Variants in COBL observed in about 807,000 individuals in gnomAD.
The protein encoded by COBL is protein cordon-bleu.
COBL carries 51 observed loss-of-function variants against 98.8 expected under a neutral mutation model. The observed-to-expected ratio is 0.52, with a 90% CI of 0.41 to 0.65. COBL has a LOEUF of 0.65. Ranked by LOEUF, COBL falls within the 30% of genes least tolerant of loss-of-function variation. The probability of loss-of-function intolerance (pLI) is 0.00; values close to 1 mark genes in which losing one functional copy is unlikely to be tolerated. For missense variants in COBL, 1,617 were observed against 1,617.5 expected, an observed-to-expected ratio of 1.00 and a Z score of 0.01; for synonymous variants, 634 against 651.7, an observed-to-expected ratio of 0.97 and a Z score of 0.41.
intron 6 of COBL, among the ~76,000 whole-genome samples, chr7:51,092,227 C>T (rs1463332632): frequency 2.0e-5 from 3 of 152,190 alleles, no homozygotes; most frequent in Admixed American, 2.0e-4. Context: ...ATCCCTGCCC[C>T]ACTGGTCCGT....
In COBL at chr7:51,205,205, A is replaced by G. The variant is rs552099853; in HGVS notation, c.246-11616T>C. ...GAACAACAAAAGATCTTGAATACTC[A>G]AAGATATCTTAAGAAAGAAGAACAA... is the stretch of plus-strand genomic sequence containing the variant. On this transcript the variant is annotated intron_variant, in intron 2 of 12. Transcript: ENST00000265136. Among the ~76,000 whole-genome samples, 14 of 152,350 alleles carry G rather than the reference A, an allele frequency of 9.2e-5. No homozygotes were observed. In the East Asian group the frequency reaches 2.3e-3, roughly 25 times the overall value.
At chr7:51,128,916 C>A (rs1798481674) in intron 6 of COBL, among the ~76,000 whole-genome samples, 1 of 152,232 alleles carries the variant, frequency 6.6e-6, no homozygotes, top group African/African-American at 2.4e-5. Context: ...ACTGTCCCTG[C>A]CCGACCTCGC....
intron 1 of COBL, among the ~76,000 whole-genome samples, chr7:51,226,323 T>C (rs184256397): frequency 6.6e-6 from 1 of 152,324 alleles, no homozygotes; most frequent in Non-Finnish European, 1.5e-5. Context: ...TCTCTCTCCA[T>C]GAGATTCTTC....
At chr7:51,100,638 C>A (rs374038280) in intron 6 of COBL, among the ~76,000 whole-genome samples, 2 of 152,332 alleles carry the variant, frequency 1.3e-5, no homozygotes, top group South Asian at 4.1e-4. Flanking sequence ...CAGTGGCTCA[C>A]GCCAGTAATC....
chr7:51,062,060 G>T (rs560349217), intron 7 of COBL, among the ~76,000 whole-genome samples: 1 of 152,076 alleles, frequency 6.6e-6, no homozygotes, highest in South Asian at 2.1e-4. Context: ...TTCCATTAGG[G>T]CTAAACAGTA....
At chr7:51,065,309 AACAGGAAC>A (rs771586436) in intron 7 of COBL, 1 of 703,496 alleles carries the variant, frequency 1.4e-6, no homozygotes, top group South Asian at 1.5e-5. Context: ...GAGGAAGAGA[AACAGGAAC>A]ACTTGATTTC....
chr7:51,126,937 C>T (rs1156658184), intron 6 of COBL, among the ~76,000 whole-genome samples: 2 of 152,160 alleles, frequency 1.3e-5, no homozygotes, highest in Non-Finnish European at 2.9e-5. Flanking sequence ...AGCTGTCTGA[C>T]ATTGAGGCCA....
intron 5 of COBL, among the ~76,000 whole-genome samples, chr7:51,167,374 G>C (rs1274462767): frequency 1.3e-5 from 2 of 151,794 alleles, no homozygotes; most frequent in Non-Finnish European, 2.9e-5. Flanking sequence ...TAAATACTTA[G>C]GAATTAACTA....
At chr7:51,130,073 T>G (rs1798593922) in intron 6 of COBL, among the ~76,000 whole-genome samples, 1 of 152,154 alleles carries the variant, frequency 6.6e-6, no homozygotes, top group Non-Finnish European at 1.5e-5. Context: ...CAGGCAGGAT[T>G]CCCTGACAGG....
At chr7:51,148,853 C>A (rs1283349105) in intron 5 of COBL, among the ~76,000 whole-genome samples, 1 of 136,838 alleles carries the variant, frequency 7.3e-6, no homozygotes, top group Non-Finnish European at 1.7e-5. Context: ...GACCACTGCT[C>A]CAGGCATCCC....
chr7:51,281,016 C>T (rs1282132818), intron 1 of COBL, among the ~76,000 whole-genome samples: 1 of 151,970 alleles, frequency 6.6e-6, no homozygotes, highest in Non-Finnish European at 1.5e-5. Context: ...TAGAGGTTTA[C>T]AAAATGACTA....
At chr7:51,260,291 A>T in intron 1 of COBL, 3 of 477,900 alleles carry the variant, frequency 6.3e-6, no homozygotes, top group Non-Finnish European at 1.1e-5. Flanking sequence ...GCTTTTGTCT[A>T]TCTCATTTAT....
chr7:51,168,024 C>T lies in COBL; in HGVS notation c.783+16078G>A, dbSNP rs142285213. Among the ~76,000 whole-genome samples the T allele has an allele frequency of 7.6e-4, 115 of 152,062 alleles. 2 individuals carry two copies. In the East Asian group the frequency reaches 0.021, roughly 28 times the overall value. ...TGGGCAAAAATTTCTTGAGCAGTAC[C>T]CCACAAGTATAGGCAACCAAAGCAA... is the stretch of plus-strand genomic sequence containing the variant. On this transcript the variant is annotated intron_variant, in intron 5 of 12. Coordinates refer to ENST00000265136, the MANE Select transcript of COBL (RefSeq NM_015198.5).
chr7:51,116,237 T>C (rs1190637046), intron 6 of COBL, among the ~76,000 whole-genome samples: 1 of 152,158 alleles, frequency 6.6e-6, no homozygotes, highest in African/African-American at 2.4e-5. Flanking sequence ...TTTCCTGTTG[T>C]TGCTCCTGTT....
intron 12 of COBL, among the ~76,000 whole-genome samples, chr7:51,024,694 TAA>T (rs1048584922): frequency 7.2e-5 from 10 of 138,382 alleles, no homozygotes; most frequent in African/African-American, 2.6e-4. Context: ...AATGAATGAA[TAA>T]GACTGGCGGC....
At chr7:51,031,776 G>A (rs1788176831) in intron 8 of COBL, 1 of 152,334 alleles carries the variant, frequency 6.6e-6, no homozygotes, top group Non-Finnish European at 1.5e-5. Flanking sequence ...TGCAGGGGCA[G>A]GGCTTGGGGG....
chr7:51,022,371 C>T (rs536047644), intron 12 of COBL, among the ~76,000 whole-genome samples: 18 of 152,274 alleles, frequency 1.2e-4, no homozygotes, highest in African/African-American at 3.9e-4. Context: ...TGAGACTGTG[C>T]GAGAAACACA....
intron 1 of COBL, among the ~76,000 whole-genome samples, chr7:51,273,138 G>T (rs1174789689): frequency 6.6e-6 from 1 of 152,064 alleles, no homozygotes; most frequent in East Asian, 1.9e-4. Flanking sequence ...GGATCAGCCT[G>T]GCCAACATGG....
chr7:51,117,088 C>T (rs1302647782), intron 6 of COBL, among the ~76,000 whole-genome samples: 1 of 135,002 alleles, frequency 7.4e-6, no homozygotes, highest in Non-Finnish European at 1.6e-5. Flanking sequence ...CCCCCCTCCC[C>T]CTGCACAAAA....
Sources: gnomAD v4.1 joint callset for allele counts (sites outside exome capture counted in the v4.1 genomes callset) on GRCh38, gnomAD v4.1.1 for gene constraint, MANE v1.5 for transcripts, NCBI Gene and HGNC (gene_info 2026-07-23, HGNC 2026-07-21) for gene names.